Variants in ACOD1 observed in about 807,000 individuals in gnomAD.
ACOD1 encodes the protein cis-aconitate decarboxylase.
Under a neutral mutation model 14.2 loss-of-function variants are expected in ACOD1, and 14 were observed. That is an observed-to-expected ratio of 0.99 (90% confidence interval 0.65 to 1.54). ACOD1 has a LOEUF of 1.54. Ranked by LOEUF, ACOD1 falls within the 40% of genes most tolerant of loss-of-function variation. ACOD1 has a pLI of 0.00. For synonymous variants in ACOD1, 182 were observed against 221.7 expected (o/e 0.82, Z 1.59); for missense variants, 530 against 586.3 (o/e 0.90, Z 0.99).
chr13:76,957,390 C>G lies in ACOD1; in HGVS notation c.851C>G (p.Ala284Gly). The change falls in exon 5 of 5, where the codon GCA becomes GGA. Residue 284 changes from alanine (A) to glycine (G), a missense_variant. Transcript: ENST00000377462. The stretch of plus-strand genomic sequence containing the variant: ...GCACATTTATCTACCCACTGGGTGG[C>G]AGACGCAGCTGCATCTGTGAGAAAG... ...FPAHLSTHWV[A>G]DAAASVRKHL... 1.3e-6 allele frequency: 2 copies of G among 1,550,666 alleles called. No individual in the cohort carries two copies. Among genetic ancestry groups the G allele is most frequent in the Non-Finnish European group, 1.7e-6 (2 of 1,147,016 alleles).
intron 1 of ACOD1, among the ~76,000 whole-genome samples, chr13:76,951,565 T>C (rs959952691): frequency 6.6e-6 from 1 of 152,232 alleles, no homozygotes; most frequent in Non-Finnish European, 1.5e-5. Flanking sequence ...CAGCATGCAA[T>C]CAATATTTTT....
Position 76,958,095 on chromosome 13 carries a change from G to GT in ACOD1, c.*110_*111insT. ...CAGGAAAAATGAACAAAGATGGAGA[G>GT]AGTCCAGAAACAGAACTACATATAT... On this transcript the variant is annotated 3_prime_UTR_variant, in exon 5 of 5. Transcript: ENST00000377462. 3 of 1,136,372 alleles carry GT rather than the reference G, an allele frequency of 2.6e-6. No homozygotes were observed. The highest frequency in any genetic ancestry group is 3.6e-6 in the Non-Finnish European group (3 of 830,540). 70.4% of individuals were successfully genotyped at this position (1,136,372 alleles called of 1,614,324 possible).
At chr13:76,953,452 G>C (rs557500848) in intron 2 of ACOD1, 148 bp from the exon 3 acceptor site, 15 of 558,376 alleles carry the variant, frequency 2.7e-5, no homozygotes, top group South Asian at 2.7e-4. Context: ...ACAAGGATGA[G>C]AGGTATTCAA....
chr13:76,956,874 T>C (rs1041699147), intron 4 of ACOD1, 136 bp from the exon 5 acceptor site: 1 of 960,224 alleles, frequency 1.0e-6, no homozygotes, highest in Non-Finnish European at 1.5e-6. Context: ...CCAGATCATA[T>C]AGCTAATAAA....
intron 3 of ACOD1, among the ~76,000 whole-genome samples, 173 bp from the exon 4 acceptor site, chr13:76,955,146 A>AG (rs1566206588): frequency 1.3e-5 from 2 of 149,136 alleles, no homozygotes; most frequent in Admixed American, 6.8e-5. Flanking sequence ...AAAAAAAAAA[A>AG]AAAAAAGAAA....
chr13:76,956,885 G>C, intron 4 of ACOD1, 125 bp from the exon 5 acceptor site: 11 of 1,037,224 alleles, frequency 1.1e-5, no homozygotes, highest in Non-Finnish European at 1.5e-5. Context: ...AGCTAATAAA[G>C]TAATGGAGCT....
At chr13:76,953,227 T>C (rs1044381419) in intron 2 of ACOD1, among the ~76,000 whole-genome samples, 6 of 152,222 alleles carry the variant, frequency 3.9e-5, no homozygotes, top group Admixed American at 3.3e-4. Flanking sequence ...AAAAGCCTGG[T>C]CAAGTACTCT....
rs377059573 is a variant in ACOD1 at position 76,957,929 on chromosome 13, CCAGAGGTAG to C, written c.1392_1400del (p.Glu465_Ala467del). On this transcript the variant is annotated inframe_deletion, in exon 5 of 5. Coordinates refer to ENST00000377462, the MANE Select transcript of ACOD1 (RefSeq NM_001258406.2). ...TACACTTCTCAAAGGACCCTCTCCA[CCAGAGGTAG>C]CTTCAAACTCTCCAGCATGTAATAA... The C allele has an allele frequency of 7.7e-5, 120 of 1,548,424 alleles. No individual in the cohort carries two copies. In the Middle Eastern group the frequency reaches 1.8e-3, roughly 24 times the overall value.
In ACOD1 at chr13:76,957,959, A is replaced by G. The variant is rs147055675; in HGVS notation, c.1420A>G (p.Asn474Asp). 2 of 1,534,900 alleles carry G rather than the reference A, an allele frequency of 1.3e-6. No homozygotes were observed. Among genetic ancestry groups the G allele is most frequent in the Non-Finnish European group, 1.8e-6 (2 of 1,142,158 alleles). ...PEVASNSPAC[N>D]NSITNLS ...GGTAGCTTCAAACTCTCCAGCATGTAATAATTCTATCACAAATCTCTCCTG... is the reference window on the plus strand; with the variant it reads ...GGTAGCTTCAAACTCTCCAGCATGTGATAATTCTATCACAAATCTCTCCTG... Residue 474 changes from asparagine to aspartate, a missense_variant, in exon 5 of 5, where the codon AAT becomes GAT. Coordinates refer to ENST00000377462, the MANE Select transcript of ACOD1 (RefSeq NM_001258406.2).
At chr13:76,953,527 A>G (rs556418876) in intron 2 of ACOD1, 73 bp from the exon 3 acceptor site, 61 of 888,450 alleles carry the variant, frequency 6.9e-5, no homozygotes, top group Non-Finnish European at 1.0e-4. Flanking sequence ...TCCAAAGATG[A>G]AGAATAACTC....
rs567894841 is a variant in ACOD1 at position 76,952,700 on chromosome 13, G to A, written c.174+50G>A. On this transcript the variant is annotated intron_variant, in intron 2 of 4. Coordinates refer to ENST00000377462, the MANE Select transcript of ACOD1 (RefSeq NM_001258406.2). ...GAGATAAAACCCAGTGCATACATATGTGTTACATTTACTCTATACTTCGTT... is the reference window on the plus strand; with the variant it reads ...GAGATAAAACCCAGTGCATACATATATGTTACATTTACTCTATACTTCGTT... 1.8e-5 allele frequency: 26 copies of A among 1,476,322 alleles called. No individual in the cohort carries two copies. In the East Asian group the frequency reaches 2.0e-4, roughly 11 times the overall value. 91.5% of individuals were successfully genotyped at this position (1,476,322 alleles called of 1,614,324 possible).
intron 2 of ACOD1, among the ~76,000 whole-genome samples, chr13:76,953,199 T>C (rs9573957): frequency 0.1 from 15,737 of 152,148 alleles, 932 homozygotes; most frequent in Admixed American, 0.16. Context: ...CACAGTTTAT[T>C]ATTATTATTC....
chr13:76,952,591 G>A lies in ACOD1; in HGVS notation c.115G>A (p.Gly39Ser). Residue 39 changes from glycine (G) to serine (S), a missense_variant, in exon 2 of 5, where the codon GGT becomes AGT. Transcript: ENST00000377462. ...CAAGAGGATGATTCTAGACACTCTGGGTGCTGGGTTCCTGGGAACCACTAC... is the reference window on the plus strand; with the variant it reads ...CAAGAGGATGATTCTAGACACTCTGAGTGCTGGGTTCCTGGGAACCACTAC... Reference protein sequence around the residue: ...RSKRMILDTLGAGFLGTTTEV... With the variant: ...RSKRMILDTLSAGFLGTTTEV... The A allele has an allele frequency of 6.4e-7, 1 of 1,550,442 alleles. No homozygotes were observed. The highest frequency in any genetic ancestry group is 2.4e-5 in the East Asian group (1 of 40,894).
chr13:76,953,454 G>T, intron 2 of ACOD1, 146 bp from the exon 3 acceptor site: 1 of 559,840 alleles, frequency 1.8e-6, no homozygotes, highest in Admixed American at 2.6e-5. Context: ...AAGGATGAGA[G>T]GTATTCAATG....
chr13:76,952,752 C>G, intron 2 of ACOD1, 102 bp downstream of exon 2: 1 of 879,630 alleles, frequency 1.1e-6, no homozygotes, highest in Non-Finnish European at 1.7e-6. Flanking sequence ...ATGTACATAG[C>G]ACTGTTCTAT....
chr13:76,951,324 C>T (rs779541724), intron 1 of ACOD1, among the ~76,000 whole-genome samples: 4 of 152,140 alleles, frequency 2.6e-5, no homozygotes, highest in Non-Finnish European at 4.4e-5. Flanking sequence ...CAACCTCCGC[C>T]TCCCAGGTTC....
intron 1 of ACOD1, among the ~76,000 whole-genome samples, chr13:76,951,217 A>T (rs2033818090): frequency 6.6e-6 from 1 of 152,132 alleles, no homozygotes; most frequent in South Asian, 2.1e-4. Flanking sequence ...ATATATTATT[A>T]TGTTGATATC....
chr13:76,958,169 T>A lies in ACOD1; in HGVS notation c.*184T>A. The A allele has an allele frequency of 1.9e-6, 1 of 525,506 alleles. No homozygotes were observed. The highest frequency in any genetic ancestry group is 3.3e-6 in the Non-Finnish European group (1 of 306,214). The allele number at this position is 525,506 out of a possible 1,614,324, so 32.6% of individuals were successfully genotyped here. On this transcript the variant is annotated 3_prime_UTR_variant, in exon 5 of 5. Coordinates refer to ENST00000377462, the MANE Select transcript of ACOD1 (RefSeq NM_001258406.2). ...ATTTTGCAGGACAGTTCCACTTACC[T>A]AAATCAAGATGAAACACACACACAA...
At chr13:76,949,573 TATGG>T (rs1219357878) in intron 1 of ACOD1, among the ~76,000 whole-genome samples, 1 of 152,018 alleles carries the variant, frequency 6.6e-6, no homozygotes, top group Non-Finnish European at 1.5e-5. Context: ...CACGGTCTCA[TATGG>T]ATGGATGGTG....
Sources: allele counts gnomAD v4.1 joint callset (sites outside exome capture counted in the v4.1 genomes callset), GRCh38; gene constraint gnomAD v4.1.1; transcripts MANE v1.5; gene names NCBI Gene and HGNC (gene_info 2026-07-23, HGNC 2026-07-21).